The following OTUD7A variants were observed in gnomAD, a reference collection of about 807,000 sequenced individuals.
OTUD7A encodes OTU domain-containing protein 7A.
Under a neutral mutation model 65.7 loss-of-function variants are expected in OTUD7A, and 12 were observed. The ratio of observed to expected loss-of-function variants is 0.18; its 90% confidence interval spans 0.12 to 0.30. OTUD7A has a LOEUF of 0.30. OTUD7A is among the 10% of genes least tolerant of loss of function. OTUD7A has a pLI of 1.00. For synonymous variants in OTUD7A, 641 were observed against 586.3 expected, an observed-to-expected ratio of 1.09 and a Z score of -1.35; for missense variants, 1,148 against 1,304.8, an observed-to-expected ratio of 0.88 and a Z score of 1.85.
chr15:31,710,872 G>A (rs565993063), intron 1 of OTUD7A, among the ~76,000 whole-genome samples: 3 of 152,126 alleles, frequency 2.0e-5, no homozygotes, highest in African/African-American at 7.2e-5. Flanking sequence ...CACAAACTTG[G>A]GGTAGGGGAG....
At chr15:31,625,005 G>A (rs1056341514) in intron 3 of OTUD7A, among the ~76,000 whole-genome samples, 20 of 152,302 alleles carry the variant, frequency 1.3e-4, no homozygotes, top group East Asian at 7.7e-4. Flanking sequence ...TGTCACTTCC[G>A]AGATTACTCC....
intron 5 of OTUD7A, among the ~76,000 whole-genome samples, chr15:31,536,092 A>G (rs1055506614): frequency 6.6e-6 from 1 of 152,228 alleles, no homozygotes; most frequent in African/African-American, 2.4e-5. Flanking sequence ...CCAGAGAAAT[A>G]CAGGAAACAG....
Position 31,649,772 on chromosome 15 carries a change from T to C in OTUD7A, c.151+5324A>G, listed in dbSNP as rs1238496240. On this transcript the variant is annotated intron_variant, in intron 3 of 12. Coordinates refer to ENST00000307050, the MANE Select transcript of OTUD7A (RefSeq NM_001382637.1). ...TCCCACTGGGTGCAGCCGGGACCCC[T>C]GGACAGCGTGCAGGCAGCAGCGACC... 5 of 446,630 alleles carry C rather than the reference T, an allele frequency of 1.1e-5. No homozygotes were observed. The East Asian group carries it at 2.8e-4, about 25-fold the overall frequency. The allele number at this position is 446,630 out of a possible 1,614,324, so 27.7% of individuals were successfully genotyped here.
chr15:31,503,872 G>A, intron 8 of OTUD7A, 54 bp from the exon 9 acceptor site: 1 of 1,604,902 alleles, frequency 6.2e-7, no homozygotes, highest in Non-Finnish European at 8.5e-7. Context: ...GTGGAGGATG[G>A]AGAAAGTGGG....
rs942961107 is a variant in OTUD7A at position 31,530,879 on chromosome 15, G to A, written c.551-71C>T. ...GGCCACTGGGGGTGTTTGCTAAGGA[G>A]GCATAAACATCAGGGACAGATTTTC... On this transcript the variant is annotated intron_variant, in intron 5 of 12. Transcript: ENST00000307050. 188 of 1,256,052 alleles carry A rather than the reference G, an allele frequency of 1.5e-4. 1 individual carries two copies. The highest frequency in any genetic ancestry group is 2.7e-5 in the Non-Finnish European group (24 of 880,302). The allele number at this position is 1,256,052 out of a possible 1,614,324, so 77.8% of individuals were successfully genotyped here.
intron 1 of OTUD7A, among the ~76,000 whole-genome samples, chr15:31,760,428 ACT>A (rs1246106143): frequency 2.0e-5 from 3 of 152,116 alleles, no homozygotes; most frequent in Non-Finnish European, 4.4e-5. Context: ...ATTTATCTAT[ACT>A]CTCTGTCACC....
chr15:31,676,880 C>T (rs541532468), intron 1 of OTUD7A, among the ~76,000 whole-genome samples: 136 of 152,316 alleles, frequency 8.9e-4, no homozygotes, highest in African/African-American at 3.2e-3. Flanking sequence ...GAATTAAATA[C>T]ACATAGACAA....
intron 3 of OTUD7A, among the ~76,000 whole-genome samples, chr15:31,621,087 T>G (rs1483943461): frequency 6.6e-6 from 1 of 151,330 alleles, no homozygotes; most frequent in Non-Finnish European, 1.5e-5. Flanking sequence ...TTGAGAGAGT[T>G]TCTTAGTCCT....
chr15:31,833,507 G>A (rs1312891157), intron 1 of OTUD7A, among the ~76,000 whole-genome samples: 1 of 152,190 alleles, frequency 6.6e-6, no homozygotes, highest in African/African-American at 2.4e-5. Context: ...CTCACGAATG[G>A]CAATAGCCTT....
chr15:31,866,923 C>T (rs1897891010), intron 1 of OTUD7A, among the ~76,000 whole-genome samples: 1 of 152,192 alleles, frequency 6.6e-6, no homozygotes, highest in South Asian at 2.1e-4. Flanking sequence ...CCAGTCATAG[C>T]ACTGGGCTAG....
At chr15:31,837,682 C>G (rs1021523829) in intron 1 of OTUD7A, among the ~76,000 whole-genome samples, 1 of 152,166 alleles carries the variant, frequency 6.6e-6, no homozygotes, top group Admixed American at 6.5e-5. Flanking sequence ...ATACCATATT[C>G]ATAGATTAGA....
intron 3 of OTUD7A, among the ~76,000 whole-genome samples, chr15:31,625,930 C>G (rs957892347): frequency 6.6e-6 from 1 of 151,774 alleles, no homozygotes; most frequent in Non-Finnish European, 1.5e-5. Flanking sequence ...ACCTTGCACA[C>G]TGTACACTTT....
chr15:31,558,189 T>C (rs996354443), intron 5 of OTUD7A: 2 of 152,262 alleles, frequency 1.3e-5, no homozygotes, highest in African/African-American at 2.4e-5. Context: ...CCCCCAGATA[T>C]GTGATTTTGC....
intron 3 of OTUD7A, among the ~76,000 whole-genome samples, chr15:31,632,772 C>G (rs1232963909): frequency 6.9e-6 from 1 of 145,978 alleles, no homozygotes; most frequent in African/African-American, 2.7e-5. Flanking sequence ...TGGGCTCCAC[C>G]CAGTTCGAGC....
At chr15:31,792,806 A>T (rs1895853008) in intron 1 of OTUD7A, among the ~76,000 whole-genome samples, 1 of 152,178 alleles carries the variant, frequency 6.6e-6, no homozygotes, top group African/African-American at 2.4e-5. Context: ...GACTGGCCCC[A>T]GTGGGACACA....
At chr15:31,788,999 T>C (rs1224690483) in intron 1 of OTUD7A, among the ~76,000 whole-genome samples, 1 of 152,188 alleles carries the variant, frequency 6.6e-6, no homozygotes, top group Non-Finnish European at 1.5e-5. Context: ...CTATCTTCAG[T>C]CTCTCTGGAT....
At chr15:31,791,218 G>T (rs1342327530) in intron 1 of OTUD7A, among the ~76,000 whole-genome samples, 1 of 152,010 alleles carries the variant, frequency 6.6e-6, no homozygotes, top group African/African-American at 2.4e-5. Flanking sequence ...GTAGAGACGG[G>T]GTTTCACCAT....
intron 3 of OTUD7A, among the ~76,000 whole-genome samples, chr15:31,632,396 G>C (rs1289171771): frequency 2.0e-5 from 3 of 152,250 alleles, no homozygotes; most frequent in Non-Finnish European, 4.4e-5. Context: ...GGTGGCTGCA[G>C]AACAGCGGTG....
At chr15:31,635,108 C>T (rs925423258) in intron 3 of OTUD7A, among the ~76,000 whole-genome samples, 3 of 152,190 alleles carry the variant, frequency 2.0e-5, no homozygotes, top group Admixed American at 1.3e-4. Flanking sequence ...GTTTGAGCCC[C>T]TCCAAGTCTG....
Sources: allele counts gnomAD v4.1 joint callset (sites outside exome capture counted in the v4.1 genomes callset), GRCh38; gene constraint gnomAD v4.1.1; transcripts MANE v1.5; gene names NCBI Gene and HGNC (gene_info 2026-07-23, HGNC 2026-07-21).